Variants in GPM6A observed in about 807,000 individuals in gnomAD.
GPM6A encodes the protein neuronal membrane glycoprotein M6-a.
Under a neutral mutation model 32.1 loss-of-function variants are expected in GPM6A, and 7 were observed. The ratio of observed to expected loss-of-function variants is 0.22; its 90% CI spans 0.12 to 0.41. The LOEUF is 0.41. GPM6A is among the 10% of genes least tolerant of loss of function. The pLI, the probability that GPM6A is intolerant of heterozygous loss-of-function variation, is 1.00. For missense variants in GPM6A, 235 were observed against 347.2 expected (o/e 0.68, Z 2.57); for synonymous variants, 130 against 123.4 (o/e 1.05, Z -0.35).
At chr4:175,999,320 G>C (rs1288962517) in intron 1 of GPM6A, among the ~76,000 whole-genome samples, 1 of 152,148 alleles carries the variant, frequency 6.6e-6, no homozygotes, top group Non-Finnish European at 1.5e-5. Context: ...TCATCTTAAA[G>C]TTAAAATGTA....
At chr4:175,705,965 A>G (rs533333925) in intron 1 of GPM6A, among the ~76,000 whole-genome samples, 19 of 152,326 alleles carry the variant, frequency 1.2e-4, no homozygotes, top group African/African-American at 4.6e-4. Flanking sequence ...TACATGTTCT[A>G]GTCACTACCT....
At chr4:175,992,886 A>C (rs1741194205) in intron 1 of GPM6A, among the ~76,000 whole-genome samples, 1 of 152,208 alleles carries the variant, frequency 6.6e-6, no homozygotes, top group African/African-American at 2.4e-5. Flanking sequence ...AAAAAACTCA[A>C]ATGCCATCAA....
intron 1 of GPM6A, among the ~76,000 whole-genome samples, chr4:175,759,493 T>G (rs1732658587): frequency 6.6e-6 from 1 of 152,198 alleles, no homozygotes; most frequent in Non-Finnish European, 1.5e-5. Flanking sequence ...CTTTTCCTTT[T>G]CCTTAAAAAA....
intron 1 of GPM6A, among the ~76,000 whole-genome samples, chr4:175,722,591 T>G (rs6824335): frequency 0.45 from 67,877 of 151,810 alleles, 16,008 homozygotes; most frequent in East Asian, 0.64. Flanking sequence ...ATAATTTACT[T>G]TTACCAACCT....
At chr4:175,781,133 A>C (rs1733598167) in intron 1 of GPM6A, 1 of 151,884 alleles carries the variant, frequency 6.6e-6, no homozygotes. Flanking sequence ...ACAGTAATAA[A>C]AAAAAAATAG....
intron 2 of GPM6A, among the ~76,000 whole-genome samples, chr4:175,684,450 A>G (rs1011930592): frequency 6.6e-6 from 1 of 152,096 alleles, no homozygotes; most frequent in Non-Finnish European, 1.5e-5. Context: ...TAGACATTGG[A>G]TCAATTTACC....
upstream of GPM6A, among the ~76,000 whole-genome samples, chr4:175,815,786 C>T (rs1735080788): frequency 6.9e-6 from 1 of 144,954 alleles, no homozygotes; most frequent in South Asian, 2.1e-4. Flanking sequence ...GGCATGATCT[C>T]AGCTCACTAG....
At chr4:175,696,084 C>G (rs902657926) in intron 2 of GPM6A, among the ~76,000 whole-genome samples, 1 of 152,088 alleles carries the variant, frequency 6.6e-6, no homozygotes, top group Non-Finnish European at 1.5e-5. Context: ...GAGTAGATGT[C>G]ATTATTATCA....
intron 1 of GPM6A, among the ~76,000 whole-genome samples, chr4:175,930,957 C>T (rs992200373): frequency 2.0e-5 from 3 of 151,990 alleles, no homozygotes; most frequent in Non-Finnish European, 4.4e-5. Context: ...TTAGGATTTG[C>T]TAAGAAGATG....
chr4:175,964,964 T>C (rs1740287941), intron 1 of GPM6A, among the ~76,000 whole-genome samples: 1 of 152,194 alleles, frequency 6.6e-6, no homozygotes. Context: ...GATAAACAGA[T>C]GAATCCACTA....
chr4:175,849,515 G>T (rs1736187683), intron 1 of GPM6A, among the ~76,000 whole-genome samples: 1 of 152,184 alleles, frequency 6.6e-6, no homozygotes, highest in South Asian at 2.1e-4. Flanking sequence ...GACATGTTAA[G>T]TCACAAAGAT....
At chr4:175,799,712 G>C (rs1213941414) in intron 1 of GPM6A, among the ~76,000 whole-genome samples, 1 of 118,948 alleles carries the variant, frequency 8.4e-6, no homozygotes. Flanking sequence ...CTGTCGCCCA[G>C]GCCGGACTGC....
intron 1 of GPM6A, among the ~76,000 whole-genome samples, chr4:175,991,075 C>CTTT (rs36032066): frequency 0.031 from 4,312 of 140,090 alleles, 185 homozygotes; most frequent in African/African-American, 0.1. Context: ...ATCTTTCTTT[C>CTTT]TTTTTTTTTT....
intron 1 of GPM6A, among the ~76,000 whole-genome samples, chr4:175,888,367 C>T (rs951397554): frequency 1.3e-5 from 2 of 151,898 alleles, no homozygotes; most frequent in Admixed American, 6.5e-5. Flanking sequence ...CAGAGTAAAT[C>T]ATAAGAAGCA....
At chr4:175,807,130 A>G (rs1237279754) in intron 1 of GPM6A, among the ~76,000 whole-genome samples, 2 of 152,240 alleles carry the variant, frequency 1.3e-5, no homozygotes, top group Non-Finnish European at 2.9e-5. Flanking sequence ...AACCAGACAC[A>G]TTCTGTCTCT....
At chr4:175,851,931 A>G (rs907626022) in intron 1 of GPM6A, among the ~76,000 whole-genome samples, 3 of 152,136 alleles carry the variant, frequency 2.0e-5, no homozygotes, top group African/African-American at 7.2e-5. Context: ...AAAAGAGGAC[A>G]GTGGCCACAC....
At chr4:175,883,859 C>T (rs1416806420) in intron 1 of GPM6A, among the ~76,000 whole-genome samples, 2 of 152,126 alleles carry the variant, frequency 1.3e-5, no homozygotes, top group African/African-American at 4.8e-5. Flanking sequence ...TTTACCAATT[C>T]AGAAATGTTA....
chr4:175,969,642 C>T (rs900781471), intron 1 of GPM6A, among the ~76,000 whole-genome samples: 20 of 152,068 alleles, frequency 1.3e-4, no homozygotes, highest in African/African-American at 4.6e-4. Flanking sequence ...ACCCGGGAGG[C>T]AAAGGTTGTA....
At chr4:175,947,712 A>G (rs1324316403) in intron 1 of GPM6A, 1 of 152,216 alleles carries the variant, frequency 6.6e-6, no homozygotes, top group East Asian at 1.9e-4. Context: ...AAATAAAAAA[A>G]CACAAATAAT....
Sources: gnomAD v4.1 joint callset for allele counts (sites outside exome capture counted in the v4.1 genomes callset) on GRCh38, gnomAD v4.1.1 for gene constraint, MANE v1.5 for transcripts, NCBI Gene and HGNC (gene_info 2026-07-23, HGNC 2026-07-21) for gene names.